Variants in NYAP2 observed in about 807,000 individuals in gnomAD.
NYAP2 encodes the protein neuronal tyrosine-phosphorylated phosphoinositide-3-kinase adaptor 2, also known as neuronal tyrosine-phosphorylated phosphoinositide-3-kinase adapter 2.
In NYAP2, 23 loss-of-function variants were observed where a neutral mutation model predicts 50.4. The ratio of observed to expected loss-of-function variants is 0.46; its 90% confidence interval spans 0.33 to 0.65. The LOEUF is 0.65. NYAP2 is among the 30% of genes least tolerant of loss of function. NYAP2 has a pLI of 0.02. For synonymous variants in NYAP2, 394 were observed against 365.2 expected (o/e 1.08, Z -0.90); for missense variants, 885 against 861.0 (o/e 1.03, Z -0.35).
intron 4 of NYAP2, among the ~76,000 whole-genome samples, chr2:225,549,248 T>C (rs970406859): frequency 7.2e-5 from 11 of 152,210 alleles, no homozygotes; most frequent in African/African-American, 2.7e-4. Flanking sequence ...TTTCCTAGTT[T>C]ATAGATGTGC....
chr2:225,547,280 A>G (rs1691601227), intron 4 of NYAP2, among the ~76,000 whole-genome samples: 1 of 152,116 alleles, frequency 6.6e-6, no homozygotes, highest in Non-Finnish European at 1.5e-5. Context: ...TCCACTATTT[A>G]ATTACATGGC....
chr2:225,492,800 A>G (rs1017167834), intron 3 of NYAP2, among the ~76,000 whole-genome samples: 2 of 152,130 alleles, frequency 1.3e-5, no homozygotes, highest in African/African-American at 2.4e-5. Flanking sequence ...TCTCATGAGA[A>G]GTAATTTATT....
intron 4 of NYAP2, among the ~76,000 whole-genome samples, chr2:225,545,821 G>A (rs1691570990): frequency 6.6e-6 from 1 of 152,190 alleles, no homozygotes; most frequent in African/African-American, 2.4e-5. Context: ...GCTTGTTTGT[G>A]CCTGTCCTTA....
chr2:225,622,549 CTTTCTTTCTTT>C (rs1282330589), intron 5 of NYAP2, among the ~76,000 whole-genome samples: 16 of 58,054 alleles, frequency 2.8e-4, no homozygotes, highest in African/African-American at 1.1e-3. Context: ...TTCTTTCTTT[CTTTCTTTCTTT>C]TTCTTTCTTT....
At chr2:225,513,781 C>G in intron 4 of NYAP2, 109 bp downstream of exon 4, 1 of 783,406 alleles carries the variant, frequency 1.3e-6, no homozygotes, top group Non-Finnish European at 1.8e-6. Context: ...AATCCTGCCT[C>G]TCACCCTGAA....
chr2:225,566,453 C>G (rs191454475), intron 4 of NYAP2, among the ~76,000 whole-genome samples: 179 of 152,294 alleles, frequency 1.2e-3, no homozygotes, highest in African/African-American at 4.1e-3. Flanking sequence ...GTTGACTGCC[C>G]CAAGGACAGG....
chr2:225,586,760 A>G (rs1692395830), intron 5 of NYAP2, among the ~76,000 whole-genome samples: 1 of 152,222 alleles, frequency 6.6e-6, no homozygotes, highest in Non-Finnish European at 1.5e-5. Flanking sequence ...AATCATAGAA[A>G]TTAATAACCA....
chr2:225,512,860 C>CCTTCCTTCCTTCCTTCCTTT (rs1559200601), intron 3 of NYAP2, among the ~76,000 whole-genome samples: 1 of 88,506 alleles, frequency 1.1e-5, no homozygotes, highest in Non-Finnish European at 2.4e-5. Flanking sequence ...TTTCTTCCTT[C>CCTTCCTTCCTTCCTTCCTTT]CTTCCTTCCT....
the NYAP2 span, among the ~76,000 whole-genome samples, chr2:225,681,575 A>G: frequency 2.0e-5 from 3 of 152,208 alleles, no homozygotes; most frequent in East Asian, 3.9e-4. Flanking sequence ...ATGTAACTCT[A>G]TCAAGCCTCA....
chr2:225,628,721 G>A (rs1418788508), intron 6 of NYAP2, among the ~76,000 whole-genome samples: 1 of 152,100 alleles, frequency 6.6e-6, no homozygotes, highest in Non-Finnish European at 1.5e-5. Context: ...CTTATCAGTA[G>A]TTTTAAAGAA....
At chr2:225,508,448 A>G (rs1320642178) in intron 3 of NYAP2, among the ~76,000 whole-genome samples, 1 of 152,152 alleles carries the variant, frequency 6.6e-6, no homozygotes, top group Non-Finnish European at 1.5e-5. Flanking sequence ...TGCCGGAGGA[A>G]TTGTTCCCAA....
At chr2:225,465,996 T>G (rs1689911605) in intron 3 of NYAP2, among the ~76,000 whole-genome samples, 1 of 152,102 alleles carries the variant, frequency 6.6e-6, no homozygotes, top group Admixed American at 6.5e-5. Flanking sequence ...AAGGCTCACC[T>G]ACAATTGAAG....
At chr2:225,655,655 G>C (rs1174904132), downstream of NYAP2, among the ~76,000 whole-genome samples, 1 of 152,116 alleles carries the variant, frequency 6.6e-6, no homozygotes, top group Non-Finnish European at 1.5e-5. Flanking sequence ...GCTGATCTCA[G>C]CCTCCTTCTT....
At chr2:225,446,246 C>CTCTATATA (rs1239402824) in intron 3 of NYAP2, among the ~76,000 whole-genome samples, 7 of 82,272 alleles carry the variant, frequency 8.5e-5, no homozygotes, top group East Asian at 3.7e-4. Flanking sequence ...CTCTCTCTCT[C>CTCTATATA]TATATATATA....
At chr2:225,631,208 G>C (rs1291373215) in intron 6 of NYAP2, among the ~76,000 whole-genome samples, 1 of 152,194 alleles carries the variant, frequency 6.6e-6, no homozygotes, top group Non-Finnish European at 1.5e-5. Flanking sequence ...ACCGTACAGT[G>C]TCTTTACACT....
intron 4 of NYAP2, among the ~76,000 whole-genome samples, chr2:225,525,204 C>T (rs915083593): frequency 3.9e-5 from 6 of 152,138 alleles, no homozygotes; most frequent in South Asian, 2.1e-4. Flanking sequence ...CTAGAACTGC[C>T]GTTTGATGCT....
At position 225,412,563 on chromosome 2, in the gene NYAP2, C is replaced by G. The variant is rs1291911080; in HGVS notation, c.221+3462C>G. Among the ~76,000 whole-genome samples the G allele has an allele frequency of 2.0e-5, 3 of 151,846 alleles. 1 individual carries two copies. The highest frequency in any genetic ancestry group is 4.4e-5 in the Non-Finnish European group (3 of 67,972). ...ATGAAAAGTCCCCAAACCTGGTTCT[C>G]TAAAGTCAATACATAGATTTAAATC... On this transcript the variant is annotated intron_variant, in intron 3 of 6. Coordinates refer to ENST00000636099, the Ensembl canonical transcript of NYAP2.
intron 4 of NYAP2, among the ~76,000 whole-genome samples, chr2:225,534,360 A>C (rs948000121): frequency 1.3e-5 from 2 of 152,218 alleles, no homozygotes; most frequent in Non-Finnish European, 2.9e-5. Flanking sequence ...GATGCTTGGA[A>C]TCCATATGAT....
the NYAP2 span, among the ~76,000 whole-genome samples, chr2:225,672,917 C>T: frequency 6.6e-6 from 1 of 151,260 alleles, no homozygotes; most frequent in East Asian, 1.9e-4. Flanking sequence ...CAAGCAATTA[C>T]AATAGTGACA....
Sources: allele counts gnomAD v4.1 joint callset (sites outside exome capture counted in the v4.1 genomes callset), GRCh38; gene constraint gnomAD v4.1.1; transcripts MANE v1.5; gene names NCBI Gene and HGNC (gene_info 2026-07-23, HGNC 2026-07-21).